FAM120B: variants seen among roughly 807,000 people sequenced by gnomAD.
The protein encoded by FAM120B is family with sequence similarity 120 member B, also known as constitutive coactivator of peroxisome proliferator-activated receptor gamma.
In FAM120B, 83 loss-of-function variants were observed where a neutral mutation model predicts 96.3. The observed-to-expected ratio is 0.86, with a 90% CI of 0.72 to 1.03. FAM120B has a LOEUF of 1.03. Ranked by LOEUF, FAM120B falls within the 50% of genes least tolerant of loss-of-function variation. The probability of loss-of-function intolerance (pLI) is 0.00; values close to 1 mark genes in which losing one functional copy is unlikely to be tolerated. For missense variants in FAM120B, 1,027 were observed against 1,121.2 expected, an observed-to-expected ratio of 0.92 and a Z score of 1.20; for synonymous variants, 407 against 402.7, an observed-to-expected ratio of 1.01 and a Z score of -0.13.
At chr6:170,295,079 A>T (rs1246410111), upstream of FAM120B, among the ~76,000 whole-genome samples, 1 of 152,162 alleles carries the variant, frequency 6.6e-6, no homozygotes, top group Non-Finnish European at 1.5e-5. This position sits in a 1 kb window ranked among gnomAD's most constrained non-coding sequence, Gnocchi z 7.8. Context: ...TCAGTTTTGG[A>T]ATCTGAAAGC....
chr6:170,348,648 GT>G (rs1459434430), intron 5 of FAM120B, among the ~76,000 whole-genome samples: 1 of 152,142 alleles, frequency 6.6e-6, no homozygotes, highest in Non-Finnish European at 1.5e-5. Flanking sequence ...TCGTGGCATT[GT>G]TTAGGTGGTG....
chr6:170,351,594 C>T (rs1472168645), intron 5 of FAM120B, among the ~76,000 whole-genome samples: 1 of 152,172 alleles, frequency 6.6e-6, no homozygotes, highest in African/African-American at 2.4e-5. Context: ...TAACAGCAGA[C>T]CTCTCAGCAG....
chr6:170,364,779 T>C (rs545108452), intron 6 of FAM120B, among the ~76,000 whole-genome samples: 31 of 152,338 alleles, frequency 2.0e-4, no homozygotes, highest in African/African-American at 2.4e-4. Flanking sequence ...TGGCATGCCT[T>C]TCTTTCCTCC....
chr6:170,295,304 T>C, upstream of FAM120B: 1 of 672,240 alleles, frequency 1.5e-6, no homozygotes, highest in Non-Finnish European at 2.7e-6. The surrounding 1 kb of genome is among the most constrained non-coding windows in gnomAD (Gnocchi z 7.8). Flanking sequence ...CCCAAGTGGG[T>C]GCACAGATGT....
intron 4 of FAM120B, among the ~76,000 whole-genome samples, chr6:170,333,517 C>G (rs891671952): frequency 1.4e-5 from 2 of 138,216 alleles, no homozygotes; most frequent in African/African-American, 5.3e-5. Context: ...TGAGCCTCAT[C>G]TTTTTTTTTT....
At chr6:170,348,364 T>C (rs751273712) in intron 5 of FAM120B, 41 bp downstream of exon 5, 1 of 1,586,882 alleles carries the variant, frequency 6.3e-7, no homozygotes, top group South Asian at 1.1e-5. Flanking sequence ...CAGCCTGCGC[T>C]TACTTTATGA....
At chr6:170,382,731 A>G (rs1789982035) in intron 6 of FAM120B, among the ~76,000 whole-genome samples, 1 of 152,244 alleles carries the variant, frequency 6.6e-6, no homozygotes, top group Admixed American at 6.5e-5. Flanking sequence ...AGACTGATGT[A>G]CAGGTTTGAT....
intron 3 of FAM120B, among the ~76,000 whole-genome samples, chr6:170,328,488 G>A (rs1785756200): frequency 6.6e-6 from 1 of 152,176 alleles, no homozygotes; most frequent in African/African-American, 2.4e-5. Context: ...CCTGGCATGT[G>A]TAGTTTCTGA....
At chr6:170,381,251 A>G (rs1466904741) in intron 6 of FAM120B, among the ~76,000 whole-genome samples, 1 of 152,322 alleles carries the variant, frequency 6.6e-6, no homozygotes, top group African/African-American at 2.4e-5. Flanking sequence ...GGGAAGCACC[A>G]TAAACAACTC....
chr6:170,295,282 C>T (rs1184865902), upstream of FAM120B: 2 of 646,292 alleles, frequency 3.1e-6, no homozygotes, highest in Non-Finnish European at 5.7e-6. The surrounding 1 kb of genome is among the most constrained non-coding windows in gnomAD (Gnocchi z 7.8). Flanking sequence ...GTCCCCTGCC[C>T]AGCCACGCCC....
At chr6:170,372,123 T>TA (rs1789234346) in intron 6 of FAM120B, among the ~76,000 whole-genome samples, 1 of 152,188 alleles carries the variant, frequency 6.6e-6, no homozygotes, top group Non-Finnish European at 1.5e-5. Context: ...TATCTAGACA[T>TA]ACAGTGTCTT....
chr6:170,374,603 C>T (rs1027919110), intron 6 of FAM120B, among the ~76,000 whole-genome samples: 1 of 152,200 alleles, frequency 6.6e-6, no homozygotes, highest in Non-Finnish European at 1.5e-5. Context: ...ACCCTGACTT[C>T]TAAGAATGAA....
chr6:170,326,540 A>G (rs1318104633), intron 3 of FAM120B, among the ~76,000 whole-genome samples: 1 of 152,174 alleles, frequency 6.6e-6, no homozygotes, highest in Non-Finnish European at 1.5e-5. Context: ...GGGTTGGCAC[A>G]CTTTTTCTGT....
intron 6 of FAM120B, among the ~76,000 whole-genome samples, chr6:170,358,686 G>A (rs1229831010): frequency 6.6e-6 from 1 of 152,246 alleles, no homozygotes; most frequent in Non-Finnish European, 1.5e-5. Context: ...GAAGGGTGGG[G>A]CCGCCTGGCA....
intron 4 of FAM120B, among the ~76,000 whole-genome samples, chr6:170,342,805 T>G (rs1786923514): frequency 6.6e-6 from 1 of 152,218 alleles, no homozygotes; most frequent in African/African-American, 2.4e-5. Context: ...ATTGCTTGTT[T>G]TGTCTCTAAG....
At chr6:170,396,294 C>T (rs572114994) in intron 9 of FAM120B, among the ~76,000 whole-genome samples, 1 of 152,272 alleles carries the variant, frequency 6.6e-6, no homozygotes, top group South Asian at 2.1e-4. Flanking sequence ...CAGTGTGAAT[C>T]CAGTTGACCT....
intron 6 of FAM120B, among the ~76,000 whole-genome samples, chr6:170,368,819 C>CGGGGGGGG (rs146799172): frequency 7.7e-5 from 2 of 26,116 alleles, no homozygotes; most frequent in African/African-American, 6.6e-5. Flanking sequence ...TCTGCCGGGG[C>CGGGGGGGG]TGGGGGGGGG....
intron 1 of FAM120B, among the ~76,000 whole-genome samples, chr6:170,307,862 G>T (rs1306586299): frequency 2.0e-5 from 3 of 152,124 alleles, no homozygotes; most frequent in Non-Finnish European, 4.4e-5. Context: ...GAAGTGAGAG[G>T]GTAGTCTTTC....
At chr6:170,397,848 C>G (rs1778263703) in intron 9 of FAM120B, among the ~76,000 whole-genome samples, 1 of 152,204 alleles carries the variant, frequency 6.6e-6, no homozygotes, top group South Asian at 2.1e-4. Context: ...CCACCTGACC[C>G]AGTAAGGCAG....
Sources: allele counts gnomAD v4.1 joint callset (sites outside exome capture counted in the v4.1 genomes callset), GRCh38; gene constraint gnomAD v4.1.1; non-coding constraint Gnocchi (gnomAD v3.1); transcripts MANE v1.5; gene names NCBI Gene and HGNC (gene_info 2026-07-23, HGNC 2026-07-21).